Variants in AP4S1 observed in about 807,000 individuals in gnomAD.
AP4S1 encodes the protein AP-4 complex subunit sigma-1.
A neutral mutation model predicts 19.8 loss-of-function variants in AP4S1; 23 were observed. The observed-to-expected ratio is 1.16, with a 90% CI of 0.84 to 1.65. The LOEUF (loss-of-function observed/expected upper bound fraction) is 1.65, where lower values mean the gene tolerates loss of function less well. Ranked by LOEUF, AP4S1 falls within the 40% of genes most tolerant of loss-of-function variation. AP4S1 has a pLI of 0.00. For missense variants in AP4S1, 166 were observed against 172.8 expected (o/e 0.96, Z 0.22); for synonymous variants, 46 against 54.1 (o/e 0.85, Z 0.66).
chr14:31,031,280 A>G (rs1330525124), intron 1 of AP4S1, among the ~76,000 whole-genome samples: 2 of 152,174 alleles, frequency 1.3e-5, no homozygotes, highest in Non-Finnish European at 2.9e-5. Context: ...ATGAAAACGG[A>G]CTAATACAGC....
intron 1 of AP4S1, among the ~76,000 whole-genome samples, chr14:31,049,990 C>T (rs1203466108): frequency 2.6e-5 from 4 of 152,128 alleles, no homozygotes; most frequent in South Asian, 2.1e-4. Flanking sequence ...GGCATGATCT[C>T]GGCTCACTGC....
intron 1 of AP4S1, among the ~76,000 whole-genome samples, chr14:31,031,787 C>T (rs919697659): frequency 6.6e-6 from 1 of 152,136 alleles, no homozygotes; most frequent in Non-Finnish European, 1.5e-5. Flanking sequence ...AGCTCACGTT[C>T]GAAACTTCCT....
At chr14:31,068,052 G>T (rs1886819340) in intron 2 of AP4S1, among the ~76,000 whole-genome samples, 1 of 151,772 alleles carries the variant, frequency 6.6e-6, no homozygotes, top group Admixed American at 6.6e-5. Flanking sequence ...ATTTTTAGTA[G>T]AGACAGGGTT....
At chr14:31,085,313 G>A in intron 5 of AP4S1, 1 of 997,818 alleles carries the variant, frequency 1.0e-6, no homozygotes, top group Non-Finnish European at 1.2e-6. Context: ...CTAGGGGCAG[G>A]AATGATAAGA....
chr14:31,075,317 A>G (rs1453823033), intron 4 of AP4S1, among the ~76,000 whole-genome samples: 1 of 152,218 alleles, frequency 6.6e-6, no homozygotes, highest in Non-Finnish European at 1.5e-5. Flanking sequence ...ACTGAACATA[A>G]TGACCTTCAG....
chr14:31,039,562 G>A (rs1594635439), intron 1 of AP4S1, among the ~76,000 whole-genome samples: 1 of 139,744 alleles, frequency 7.2e-6, no homozygotes, highest in African/African-American at 2.6e-5. Flanking sequence ...AATACAATAG[G>A]TGTAGTTTTG....
chr14:31,039,354 T>G (rs1305285361), intron 1 of AP4S1, among the ~76,000 whole-genome samples: 2 of 151,160 alleles, frequency 1.3e-5, no homozygotes, highest in Non-Finnish European at 3.0e-5. Flanking sequence ...CCCAGCTAAT[T>G]TTTGCATTTT....
chr14:31,028,015 A>G (rs1005876908), intron 1 of AP4S1, among the ~76,000 whole-genome samples: 6 of 152,210 alleles, frequency 3.9e-5, no homozygotes, highest in Admixed American at 2.0e-4. Context: ...AAAAGAGATT[A>G]AGTAATGCAT....
At chr14:31,041,811 A>G (rs572109356) in intron 1 of AP4S1, among the ~76,000 whole-genome samples, 1 of 152,314 alleles carries the variant, frequency 6.6e-6, no homozygotes, top group South Asian at 2.1e-4. Context: ...ACAGTTTGTC[A>G]AAGTAAGTAT....
chr14:31,042,640 C>G (rs892151435), intron 1 of AP4S1, among the ~76,000 whole-genome samples: 5 of 152,114 alleles, frequency 3.3e-5, no homozygotes, highest in African/African-American at 4.8e-5. Context: ...GTTTTTCTCG[C>G]CAGCCTGGAT....
At chr14:31,083,299 A>G (rs1283393923) in intron 5 of AP4S1, among the ~76,000 whole-genome samples, 1 of 152,016 alleles carries the variant, frequency 6.6e-6, no homozygotes, top group African/African-American at 2.4e-5. Context: ...ATATGTATTT[A>G]CTGTCCTTAG....
chr14:31,028,364 G>A (rs1884171631), intron 1 of AP4S1, among the ~76,000 whole-genome samples: 1 of 151,934 alleles, frequency 6.6e-6, no homozygotes, highest in Admixed American at 6.6e-5. Context: ...TTTTTGTAGA[G>A]ACGGGGTTTT....
intron 5 of AP4S1, among the ~76,000 whole-genome samples, chr14:31,083,092 T>G (rs1458350717): frequency 1.3e-5 from 2 of 152,190 alleles, no homozygotes; most frequent in East Asian, 1.9e-4. Context: ...GTTGTGTTGA[T>G]GTGTCGTATA....
intron 4 of AP4S1, 166 bp downstream of exon 4, chr14:31,073,139 A>G (rs1218514836): frequency 1.5e-6 from 1 of 681,706 alleles, no homozygotes; most frequent in Non-Finnish European, 2.6e-6. Flanking sequence ...TGGTTTATCC[A>G]AAGTGTTACA....
At chr14:31,068,441 G>A (rs1215741165) in intron 2 of AP4S1, among the ~76,000 whole-genome samples, 1 of 152,210 alleles carries the variant, frequency 6.6e-6, no homozygotes, top group Non-Finnish European at 1.5e-5. Context: ...TTTCAGTTGG[G>A]ACATCACAGA....
chr14:31,085,160 G>C, intron 5 of AP4S1: 1 of 1,213,398 alleles, frequency 8.2e-7, no homozygotes, highest in Non-Finnish European at 1.0e-6. Context: ...TCCCCATCAT[G>C]GGGCAGATGC....
At chr14:31,074,968 A>G (rs1187376453) in intron 4 of AP4S1, among the ~76,000 whole-genome samples, 1 of 152,216 alleles carries the variant, frequency 6.6e-6, no homozygotes, top group Non-Finnish European at 1.5e-5. Context: ...ATAATGTATA[A>G]AAACCAAATC....
chr14:31,036,135 A>T (rs547750383), intron 1 of AP4S1, among the ~76,000 whole-genome samples: 5 of 141,562 alleles, frequency 3.5e-5, no homozygotes, highest in Admixed American at 1.4e-4. Flanking sequence ...TTTTTATTTT[A>T]AAAAAATAAT....
intron 5 of AP4S1, among the ~76,000 whole-genome samples, chr14:31,087,329 T>G (rs1030616708): frequency 6.6e-5 from 10 of 152,254 alleles, no homozygotes; most frequent in Middle Eastern, 3.4e-3. Context: ...GATTATAAAT[T>G]GGGTAGGTTA....
Sources: allele counts gnomAD v4.1 joint callset (sites outside exome capture counted in the v4.1 genomes callset), GRCh38; gene constraint gnomAD v4.1.1; transcripts MANE v1.5; gene names NCBI Gene and HGNC (gene_info 2026-07-23, HGNC 2026-07-21).